SH3BGR: variants seen among roughly 807,000 people sequenced by gnomAD.
SH3BGR encodes SH3 domain-binding glutamic acid-rich protein.
SH3BGR carries 29 observed loss-of-function variants against 24.5 expected under a neutral mutation model. That is an observed-to-expected ratio of 1.18 (90% confidence interval 0.88 to 1.61). The LOEUF (loss-of-function observed/expected upper bound fraction) is 1.61, where lower values mean the gene tolerates loss of function less well. Ranked by LOEUF, SH3BGR falls within the 40% of genes most tolerant of loss-of-function variation. SH3BGR has a pLI of 0.00. For missense variants in SH3BGR, 162 were observed against 205.8 expected (o/e 0.79, Z 1.30); for synonymous variants, 55 against 65.7 (o/e 0.84, Z 0.79).
chr21:39,509,478 T>TG (rs1446289252), intron 5 of SH3BGR, among the ~76,000 whole-genome samples: 1 of 147,156 alleles, frequency 6.8e-6, no homozygotes, highest in African/African-American at 2.5e-5. Context: ...ATTGTTTTTT[T>TG]TTTTTTTTTT....
At chr21:39,446,380 C>G (rs921621237) in intron 1 of SH3BGR, among the ~76,000 whole-genome samples, 4 of 152,022 alleles carry the variant, frequency 2.6e-5, no homozygotes, top group African/African-American at 7.2e-5. Flanking sequence ...TTTCCTGCAT[C>G]AAAGCCATGT....
chr21:39,456,812 A>C (rs983417830), intron 1 of SH3BGR, among the ~76,000 whole-genome samples: 2 of 152,146 alleles, frequency 1.3e-5, no homozygotes. Flanking sequence ...GCTTGCCCCA[A>C]ACTGCAGTAC....
At chr21:39,479,903 C>T (rs1453780326) in intron 3 of SH3BGR, among the ~76,000 whole-genome samples, 1 of 152,054 alleles carries the variant, frequency 6.6e-6, no homozygotes, top group African/African-American at 2.4e-5. Context: ...TGTCCATTTA[C>T]CCTGTTCTTG....
At chr21:39,463,302 T>G (rs1444483176) in intron 2 of SH3BGR, among the ~76,000 whole-genome samples, 1 of 152,280 alleles carries the variant, frequency 6.6e-6, no homozygotes, top group Non-Finnish European at 1.5e-5. Context: ...ATAACAACAA[T>G]TTTGTTTTAT....
intron 2 of SH3BGR, among the ~76,000 whole-genome samples, chr21:39,463,652 A>G (rs1364971632): frequency 6.6e-6 from 1 of 152,194 alleles, no homozygotes; most frequent in African/African-American, 2.4e-5. Flanking sequence ...TGTTTTATAA[A>G]TTTATAAATG....
At chr21:39,448,888 T>C (rs550831667), upstream of SH3BGR, among the ~76,000 whole-genome samples, 1 of 152,202 alleles carries the variant, frequency 6.6e-6, no homozygotes, top group African/African-American at 2.4e-5. Flanking sequence ...TCCCTCAGTA[T>C]GCGCCCCCAC....
chr21:39,483,569 A>T (rs2078164348), intron 3 of SH3BGR, among the ~76,000 whole-genome samples: 1 of 152,244 alleles, frequency 6.6e-6, no homozygotes. Flanking sequence ...AAAACCTTAC[A>T]TACTTTTTAC....
intron 3 of SH3BGR, among the ~76,000 whole-genome samples, chr21:39,487,010 A>G (rs1186168753): frequency 6.6e-6 from 1 of 152,200 alleles, no homozygotes; most frequent in Non-Finnish European, 1.5e-5. Context: ...GAGCCACCAC[A>G]TCCAGCAATC....
At chr21:39,461,254 A>T (rs71316675) in intron 1 of SH3BGR, among the ~76,000 whole-genome samples, 4,157 of 150,630 alleles carry the variant, frequency 0.028, 88 homozygotes, top group Non-Finnish European at 0.04. Context: ...CTCCTGCTTC[A>T]GTCTCCCGAG....
intron 3 of SH3BGR, among the ~76,000 whole-genome samples, chr21:39,484,867 A>G (rs929207550): frequency 3.2e-4 from 49 of 152,232 alleles, no homozygotes; most frequent in Admixed American, 2.4e-3. Context: ...TGATTTATGG[A>G]AACATTACTT....
intron 3 of SH3BGR, among the ~76,000 whole-genome samples, chr21:39,491,251 G>T (rs1427317388): frequency 6.6e-6 from 1 of 151,834 alleles, no homozygotes; most frequent in Admixed American, 6.6e-5. Flanking sequence ...CCAAGTACAA[G>T]CGATTCTCCT....
At chr21:39,478,765 T>G (rs2123404266) in intron 3 of SH3BGR, among the ~76,000 whole-genome samples, 1 of 152,212 alleles carries the variant, frequency 6.6e-6, no homozygotes, top group East Asian at 1.9e-4. Flanking sequence ...ATTTTCTACC[T>G]TATCTTCCCT....
chr21:39,492,760 G>C (rs529383317), intron 3 of SH3BGR, among the ~76,000 whole-genome samples: 28 of 152,094 alleles, frequency 1.8e-4, no homozygotes, highest in African/African-American at 6.7e-4. Flanking sequence ...AGTGTTCCCT[G>C]TTCACTGCAT....
rs1054589045 is a variant in SH3BGR, at chr21:39,446,178, T to G, written c.-100+97T>G. ...TTGTCATAAAGACGATTTTTTTTTT[T>G]TTTTTGTAAAACAAAATCTGATGAC... On this transcript the variant is annotated intron_variant, in intron 1 of 6. Coordinates refer to the SH3BGR transcript ENST00000380631. The G allele has an allele frequency of 2.0e-5, 3 of 152,230 alleles. No homozygotes were observed. In the East Asian group the frequency reaches 5.8e-4, roughly 29 times the overall value. The allele number at this position is 152,230 out of a possible 1,614,324, so 9.4% of individuals were successfully genotyped here. A position where few individuals can be genotyped will look rare whatever the true frequency, so the allele number is the denominator to read the frequency against.
At chr21:39,496,530 T>A (rs1365763331) in intron 3 of SH3BGR, among the ~76,000 whole-genome samples, 3 of 147,284 alleles carry the variant, frequency 2.0e-5, no homozygotes, top group African/African-American at 5.0e-5. Flanking sequence ...AAAAAAAAAA[T>A]TATCTTTATT....
At chr21:39,484,359 TCC>T (rs2078176614) in intron 3 of SH3BGR, among the ~76,000 whole-genome samples, 1 of 152,202 alleles carries the variant, frequency 6.6e-6, no homozygotes, top group African/African-American at 2.4e-5. Flanking sequence ...AATGAAACAC[TCC>T]GGAGATATTC....
chr21:39,458,710 G>C (rs1235973685), intron 1 of SH3BGR, among the ~76,000 whole-genome samples: 2 of 147,508 alleles, frequency 1.4e-5, no homozygotes, highest in Non-Finnish European at 3.0e-5. Flanking sequence ...GCAGTGGCAT[G>C]ATCTGGGCTT....
chr21:39,476,156 G>T (rs529159894), intron 3 of SH3BGR, among the ~76,000 whole-genome samples: 2 of 152,182 alleles, frequency 1.3e-5, no homozygotes, highest in Non-Finnish European at 2.9e-5. Flanking sequence ...TTGCCTGGAA[G>T]ATGAGAAACC....
chr21:39,459,310 C>T (rs1287021452), intron 1 of SH3BGR, among the ~76,000 whole-genome samples: 4 of 151,936 alleles, frequency 2.6e-5, no homozygotes, highest in African/African-American at 7.3e-5. Context: ...CTGCAACCTC[C>T]GCCTCCTGGA....
Sources: allele counts gnomAD v4.1 joint callset (sites outside exome capture counted in the v4.1 genomes callset), GRCh38; gene constraint gnomAD v4.1.1; transcripts MANE v1.5; gene names NCBI Gene and HGNC (gene_info 2026-07-23, HGNC 2026-07-21).